The following TATDN3 variants were observed in gnomAD, a reference collection of about 807,000 sequenced individuals.
The protein encoded by TATDN3 is TatD DNase domain containing 3.
A neutral mutation model predicts 40.1 loss-of-function variants in TATDN3; 29 were observed. That is an observed-to-expected ratio of 0.72 (90% CI 0.54 to 0.99). The LOEUF (loss-of-function observed/expected upper bound fraction) is 0.99. TATDN3 is among the 50% of genes least tolerant of loss of function. The pLI, the probability that TATDN3 is intolerant of heterozygous loss-of-function variation, is 0.00. For synonymous variants in TATDN3, 105 were observed against 117.0 expected, an observed-to-expected ratio of 0.90 and a Z score of 0.66; for missense variants, 309 against 321.9, an observed-to-expected ratio of 0.96 and a Z score of 0.31.
chr1:212,812,157 C>T (rs1662923853), intron 8 of TATDN3, 91 bp from the exon 9 acceptor site: 1 of 803,736 alleles, frequency 1.2e-6, no homozygotes, highest in Admixed American at 3.2e-5. Flanking sequence ...TAAGTTATTG[C>T]AGAATAAAAT....
At chr1:212,811,229 G>T (rs1054771922) in intron 8 of TATDN3, among the ~76,000 whole-genome samples, 1 of 151,672 alleles carries the variant, frequency 6.6e-6, no homozygotes, top group Non-Finnish European at 1.5e-5. Flanking sequence ...TCTGCCTCCC[G>T]GGTTCAAGTG....
At chr1:212,796,749 T>C in intron 3 of TATDN3, 159 bp downstream of exon 3, 2 of 531,948 alleles carry the variant, frequency 3.8e-6, no homozygotes, top group Non-Finnish European at 6.3e-6. Flanking sequence ...CTTTTTTTTT[T>C]CTTTGAGAGA....
chr1:212,804,357 G>A lies in TATDN3; in HGVS notation c.359G>A (p.Gly120Asp). The change falls in exon 6 of 10, where the codon GGT becomes GAT. Residue 120 changes from glycine (G) to aspartate (D), a missense_variant. Physicochemically the swap from Gly to Asp is moderately conservative, Grantham distance 94 (BLOSUM62 -1). Transcript: ENST00000366974. The stretch of plus-strand genomic sequence containing the variant: ...TTCTCCCCCAGATTTGCTGGCACTG[G>A]TGAACAGAAGGAAGAGCAAAGACAA... ...LDFSPRFAGT[G>D]EQKEEQRQVL... 2 of 1,614,066 alleles carry A rather than the reference G, an allele frequency of 1.2e-6. No homozygotes were observed. The highest frequency in any genetic ancestry group is 1.7e-6 in the Non-Finnish European group (2 of 1,179,972).
intron 4 of TATDN3, among the ~76,000 whole-genome samples, chr1:212,801,129 G>A (rs1026188573): frequency 2.0e-5 from 3 of 151,710 alleles, no homozygotes; most frequent in Non-Finnish European, 2.9e-5. Context: ...GTTCAAGGCT[G>A]CAGTGAGCTA....
At chr1:212,802,132 C>CACAATGGTACTTGG (rs1662211502) in intron 4 of TATDN3, among the ~76,000 whole-genome samples, 1 of 152,172 alleles carries the variant, frequency 6.6e-6, no homozygotes, top group Admixed American at 6.6e-5. Flanking sequence ...ATCATTGAAA[C>CACAATGGTACTTGG]TAATGGTACA....
At chr1:212,808,324 A>C (rs80187652) in intron 8 of TATDN3, among the ~76,000 whole-genome samples, 27,262 of 151,468 alleles carry the variant, frequency 0.18, 2,755 homozygotes, top group African/African-American at 0.28. Flanking sequence ...AAAAAAAAAA[A>C]AAAACTAAAA....
At chr1:212,793,900 A>T (rs1469012226) in intron 1 of TATDN3, among the ~76,000 whole-genome samples, 3 of 152,192 alleles carry the variant, frequency 2.0e-5, no homozygotes, top group African/African-American at 7.2e-5. Flanking sequence ...TGTTTGGGGC[A>T]TATTGGGAAA....
At position 212,797,194 on chromosome 1, in the gene TATDN3, A is replaced by T; in HGVS notation, c.256A>T (p.Lys86Ter). Reference protein sequence around the residue: ...PPEDQRSVTLKDLDVALPIIE... With the variant: ...PPEDQRSVTL ...AGAAGACCAAAGAAGTGTCACACTAAAGGTAACAGTCATACAAAACAGGAA... is the reference window on the plus strand; with the variant it reads ...AGAAGACCAAAGAAGTGTCACACTATAGGTAACAGTCATACAAAACAGGAA... Residue 86 changes from lysine to a stop codon, truncating the protein, a stop_gained and splice_region_variant, in exon 4 of 10, where the codon AAG (lysine) becomes TAG (stop). Transcript: ENST00000366974. LOFTEE classifies it high-confidence loss of function. 1 of 1,612,708 alleles carries T rather than the reference A, an allele frequency of 6.2e-7. No individual in the cohort carries two copies. The highest frequency in any genetic ancestry group is 1.3e-5 in the African/African-American group (1 of 75,032).
At chr1:212,813,975 TA>T (rs66509753) in intron 9 of TATDN3, among the ~76,000 whole-genome samples, 65,434 of 151,252 alleles carry the variant, frequency 0.43, 15,031 homozygotes, top group Non-Finnish European at 0.51. Flanking sequence ...TCTGTATATA[TA>T]TTTTTTTTGT....
chr1:212,792,136 C>G, intron 1 of TATDN3, 149 bp downstream of exon 1: 1 of 762,762 alleles, frequency 1.3e-6, no homozygotes, highest in Non-Finnish European at 2.1e-6. Context: ...CCTCATTTCC[C>G]TATTCCCTAT....
chr1:212,800,691 TG>T (rs1662117275), intron 4 of TATDN3, among the ~76,000 whole-genome samples: 1 of 152,172 alleles, frequency 6.6e-6, no homozygotes, highest in Non-Finnish European at 1.5e-5. Context: ...TTCCCTTTTT[TG>T]TCCCTTCTTC....
At chr1:212,806,934 T>A (rs190452235) in intron 7 of TATDN3, among the ~76,000 whole-genome samples, 1,641 of 97,338 alleles carry the variant, frequency 0.017, 39 homozygotes, top group African/African-American at 0.054. Context: ...ATATATATAT[T>A]TATTTATTTT....
At chr1:212,808,002 A>G (rs757875291) in intron 8 of TATDN3, among the ~76,000 whole-genome samples, 154 bp downstream of exon 8, 41 of 152,088 alleles carry the variant, frequency 2.7e-4, no homozygotes, top group Admixed American at 7.9e-4. Context: ...TCAGAAATTG[A>G]TCAAAGACTT....
intron 7 of TATDN3, among the ~76,000 whole-genome samples, chr1:212,806,848 A>G (rs1662552669): frequency 2.1e-5 from 2 of 96,302 alleles, no homozygotes; most frequent in Non-Finnish European, 4.1e-5. Flanking sequence ...ATATATACAC[A>G]TATATACATA....
chr1:212,795,066 A>G, intron 1 of TATDN3, 29 bp from the exon 2 acceptor site: 1 of 1,594,964 alleles, frequency 6.3e-7, no homozygotes. Context: ...TTCATCTAAA[A>G]TAATGGTGAT....
intron 4 of TATDN3, among the ~76,000 whole-genome samples, chr1:212,798,921 G>C (rs1558078183): frequency 6.6e-6 from 1 of 152,218 alleles, no homozygotes; most frequent in Non-Finnish European, 1.5e-5. Context: ...AGTAAAACAA[G>C]ATTATATAGT....
At position 212,802,689 on chromosome 1, in the gene TATDN3, T is replaced by C. The variant is rs372819741; in HGVS notation, c.259-12T>C. 11 of 1,605,020 alleles carry C rather than the reference T, an allele frequency of 6.9e-6. No individual in the cohort carries two copies. The African/African-American group carries it at 1.2e-4, about 18-fold the overall frequency. Reference sequence around the variant, plus strand: ...TTCTTCCATTTTAACAATTTTACTTTTTTTCTCCCAGGATTTGGATGTAGC... The same window carrying C: ...TTCTTCCATTTTAACAATTTTACTTCTTTTCTCCCAGGATTTGGATGTAGC... On this transcript the variant is annotated splice_polypyrimidine_tract_variant and intron_variant, in intron 4 of 9. Transcript: ENST00000366974.
intron 7 of TATDN3, among the ~76,000 whole-genome samples, chr1:212,806,661 A>G (rs184458612): frequency 4.1e-5 from 6 of 146,236 alleles, no homozygotes; most frequent in Admixed American, 2.8e-4. Flanking sequence ...GATTACAGAC[A>G]TGAGCCACTG....
chr1:212,795,001 AT>A, intron 1 of TATDN3, 93 bp from the exon 2 acceptor site: 1 of 1,031,540 alleles, frequency 9.7e-7, no homozygotes, highest in Non-Finnish European at 1.5e-6. Context: ...TATCATTGTT[AT>A]TTTTTGTGAT....
Sources: allele counts gnomAD v4.1 joint callset (sites outside exome capture counted in the v4.1 genomes callset), GRCh38; gene constraint gnomAD v4.1.1; transcripts MANE v1.5; gene names NCBI Gene and HGNC (gene_info 2026-07-23, HGNC 2026-07-21).